Variants in ELP4 observed in about 807,000 individuals in gnomAD.
The protein encoded by ELP4 is elongator complex protein 4.
A neutral mutation model predicts 48.9 loss-of-function variants in ELP4; 51 were observed. The ratio of observed to expected loss-of-function variants is 1.04; its 90% CI spans 0.83 to 1.32. The LOEUF (loss-of-function observed/expected upper bound fraction) is 1.32, where lower values mean the gene tolerates loss of function less well. ELP4 is among the 40% of genes most tolerant of loss of function. ELP4 has a pLI of 0.00. For synonymous variants in ELP4, 210 were observed against 189.2 expected (o/e 1.11, Z -0.90); for missense variants, 519 against 514.6 (o/e 1.01, Z -0.08).
At chr11:31,546,033 C>G (rs1480956187) in intron 3 of ELP4, among the ~76,000 whole-genome samples, 4 of 151,738 alleles carry the variant, frequency 2.6e-5, no homozygotes, top group South Asian at 2.1e-4. Context: ...CAAAATCATG[C>G]CAAAATGTAA....
chr11:31,617,574 T>C (rs1234122567), intron 5 of ELP4, among the ~76,000 whole-genome samples: 1 of 152,018 alleles, frequency 6.6e-6, no homozygotes, highest in Non-Finnish European at 1.5e-5. Flanking sequence ...TTTTATGTTA[T>C]ATGGGTTTTT....
intron 9 of ELP4, among the ~76,000 whole-genome samples, chr11:31,771,081 CCCA>C (rs369755609): frequency 1.8e-4 from 28 of 152,250 alleles, no homozygotes; most frequent in African/African-American, 6.5e-4. Context: ...GCAAACCATC[CCCA>C]CAACAGTAGA....
intron 9 of ELP4, among the ~76,000 whole-genome samples, chr11:31,670,211 A>G (rs1271830066): frequency 6.6e-6 from 1 of 152,142 alleles, no homozygotes; most frequent in Non-Finnish European, 1.5e-5. Flanking sequence ...GTGATTCAGT[A>G]TGGATACCTA....
chr11:31,721,582 G>A (rs1946959253), intron 9 of ELP4, among the ~76,000 whole-genome samples: 1 of 151,764 alleles, frequency 6.6e-6, no homozygotes, highest in Non-Finnish European at 1.5e-5. Context: ...GCTGGAATCT[G>A]GATTTGCCTT....
At chr11:31,650,813 A>G (rs939817380) in intron 9 of ELP4, 1 of 151,808 alleles carries the variant, frequency 6.6e-6, no homozygotes, top group Non-Finnish European at 1.5e-5. Flanking sequence ...GCAAATGAAC[A>G]GAGAACTATT....
At chr11:31,608,853 A>T (rs1232927571) in intron 5 of ELP4, among the ~76,000 whole-genome samples, 1 of 152,128 alleles carries the variant, frequency 6.6e-6, no homozygotes, top group Admixed American at 6.5e-5. Context: ...AAAGCCGAGT[A>T]GCTGGCCCTG....
intron 9 of ELP4, among the ~76,000 whole-genome samples, chr11:31,776,393 C>A (rs556022499): frequency 6.6e-6 from 1 of 152,276 alleles, no homozygotes; most frequent in Admixed American, 6.5e-5. Context: ...ATGAAGTGAC[C>A]ATAACTTAGT....
At chr11:31,596,715 A>G (rs1369060194) in intron 4 of ELP4, among the ~76,000 whole-genome samples, 1 of 152,234 alleles carries the variant, frequency 6.6e-6, no homozygotes, top group East Asian at 1.9e-4. Flanking sequence ...GCTGTGATTT[A>G]AATGACTGTG....
At chr11:31,670,838 C>T (rs1945792036) in intron 9 of ELP4, among the ~76,000 whole-genome samples, 1 of 151,608 alleles carries the variant, frequency 6.6e-6, no homozygotes, top group Admixed American at 6.6e-5. Context: ...CATTCTTTTT[C>T]ATAAGGTTAT....
chr11:31,675,873 TTACCACCTCCAATGC>T (rs1345892794), intron 9 of ELP4, among the ~76,000 whole-genome samples: 7 of 152,170 alleles, frequency 4.6e-5, no homozygotes, highest in Non-Finnish European at 7.4e-5. Flanking sequence ...TAAACAGTTT[TTACCACCTCCAATGC>T]TACCACTCAG....
chr11:31,578,933 A>T (rs1195020298), intron 3 of ELP4, among the ~76,000 whole-genome samples: 6 of 152,262 alleles, frequency 3.9e-5, no homozygotes, highest in Non-Finnish European at 8.8e-5. Context: ...GCCAAAATTG[A>T]CAAATGGGAT....
intron 7 of ELP4, chr11:31,647,347 T>C (rs944546441): frequency 2.7e-5 from 5 of 186,366 alleles, no homozygotes; most frequent in African/African-American, 1.2e-4. Flanking sequence ...TGCTTCTGAA[T>C]CCTGCTGTCT....
chr11:31,520,149 C>G (rs1956189227), intron 2 of ELP4, 58 bp downstream of exon 2: 2 of 1,416,660 alleles, frequency 1.4e-6, no homozygotes, highest in African/African-American at 1.4e-5. Context: ...TGTGCATAAT[C>G]ATTTTATCCA....
intron 9 of ELP4, among the ~76,000 whole-genome samples, chr11:31,722,839 A>G (rs1946997623): frequency 6.6e-6 from 1 of 151,956 alleles, no homozygotes; most frequent in South Asian, 2.1e-4. Context: ...TGTGGGTCTC[A>G]CCCCACAACT....
intron 3 of ELP4, among the ~76,000 whole-genome samples, chr11:31,556,427 TTAG>T (rs1393198471): frequency 6.6e-6 from 1 of 151,638 alleles, no homozygotes; most frequent in African/African-American, 2.4e-5. Flanking sequence ...TAAACATTTA[TTAG>T]TAGACTGATT....
At chr11:31,616,084 T>C (rs1944476461) in intron 5 of ELP4, among the ~76,000 whole-genome samples, 1 of 152,084 alleles carries the variant, frequency 6.6e-6, no homozygotes, top group African/African-American at 2.4e-5. Flanking sequence ...TACTTAAAGT[T>C]ACACAGGGAC....
At chr11:31,570,859 G>T (rs1957182931) in intron 3 of ELP4, among the ~76,000 whole-genome samples, 1 of 142,558 alleles carries the variant, frequency 7.0e-6, no homozygotes, top group Non-Finnish European at 1.5e-5. Context: ...GAGTGCAGTG[G>T]CACCATCTCG....
chr11:31,680,244 T>C (rs1273330134), intron 9 of ELP4, among the ~76,000 whole-genome samples: 1 of 152,208 alleles, frequency 6.6e-6, no homozygotes, highest in Non-Finnish European at 1.5e-5. Context: ...GTCTCCAACA[T>C]ACTTTTTATT....
chr11:31,672,817 T>G (rs1945836210), intron 9 of ELP4, among the ~76,000 whole-genome samples: 1 of 151,820 alleles, frequency 6.6e-6, no homozygotes, highest in African/African-American at 2.4e-5. Flanking sequence ...ATAAAATAAG[T>G]AATCTTTTTA....
Sources: allele counts gnomAD v4.1 joint callset (sites outside exome capture counted in the v4.1 genomes callset), GRCh38; gene constraint gnomAD v4.1.1; transcripts MANE v1.5; gene names NCBI Gene and HGNC (gene_info 2026-07-23, HGNC 2026-07-21).